The following PBX4 variants were observed in gnomAD, a reference collection of about 807,000 sequenced individuals.
The protein encoded by PBX4 is pre-B-cell leukemia transcription factor 4.
In PBX4, 26 loss-of-function variants were observed where a neutral mutation model predicts 35.1. The ratio of observed to expected loss-of-function variants is 0.74; its 90% CI spans 0.54 to 1.03. The LOEUF (loss-of-function observed/expected upper bound fraction) is 1.03. Among genes scored for constraint, PBX4 ranks in the 50% least tolerant of loss-of-function variants. The pLI, the probability that PBX4 is intolerant of heterozygous loss-of-function variation, is 0.00. For missense variants in PBX4, 448 were observed against 504.3 expected (o/e 0.89, Z 1.07); for synonymous variants, 199 against 204.2 (o/e 0.97, Z 0.22).
chr19:19,595,434 C>G (rs1027915579), intron 2 of PBX4, among the ~76,000 whole-genome samples: 4 of 152,162 alleles, frequency 2.6e-5, no homozygotes, highest in African/African-American at 9.7e-5. Flanking sequence ...TCAGGGAGTG[C>G]TGCCAGGGAG....
At position 19,563,428 on chromosome 19, in the gene PBX4, G is replaced by T; in HGVS notation, c.1032+81C>A. On this transcript the variant is annotated intron_variant, in intron 7 of 7. Transcript: ENST00000251203. This position sits in a 1 kb window ranked among gnomAD's most constrained non-coding sequence, Gnocchi z 5.1. ...GGACCTCTGGGGAAGCTGCCCCAAG[G>T]CCGAGGGGTGGCTGACAAGACGACC... 8.4e-7 allele frequency: 1 copy of T among 1,186,118 alleles called. No homozygotes were observed. Among genetic ancestry groups the T allele is most frequent in the Non-Finnish European group, 1.2e-6 (1 of 850,252 alleles). 73.5% of individuals were successfully genotyped at this position (1,186,118 alleles called of 1,614,324 possible).
intron 2 of PBX4, among the ~76,000 whole-genome samples, chr19:19,576,463 A>G (rs2061420076): frequency 6.6e-6 from 1 of 151,990 alleles, no homozygotes; most frequent in Non-Finnish European, 1.5e-5. Flanking sequence ...TGACCTCGTG[A>G]TCCACGCACC....
chr19:19,579,072 C>T (rs1260554075), intron 2 of PBX4, among the ~76,000 whole-genome samples: 2 of 152,110 alleles, frequency 1.3e-5, no homozygotes, highest in Admixed American at 6.6e-5. Flanking sequence ...CAGTCTGGGC[C>T]GGGCGTGGTG....
chr19:19,610,508 G>A (rs1297207257), intron 1 of PBX4, among the ~76,000 whole-genome samples: 1 of 152,022 alleles, frequency 6.6e-6, no homozygotes, highest in African/African-American at 2.4e-5. Context: ...TCAGCACTTT[G>A]GGGAATCCGA....
At chr19:19,569,418 C>T (rs752909735) in intron 5 of PBX4, 31 bp downstream of exon 5, 6 of 1,596,566 alleles carry the variant, frequency 3.8e-6, no homozygotes, top group South Asian at 3.4e-5. Flanking sequence ...TCCTCCCAGG[C>T]GTGGCGAGAC....
At chr19:19,578,523 C>T (rs1600410748) in intron 2 of PBX4, among the ~76,000 whole-genome samples, 1 of 152,174 alleles carries the variant, frequency 6.6e-6, no homozygotes, top group Admixed American at 6.5e-5. Flanking sequence ...GGCAGGGAGG[C>T]TGGAGGTACC....
At chr19:19,609,731 T>A (rs934480661) in intron 1 of PBX4, among the ~76,000 whole-genome samples, 21 of 135,578 alleles carry the variant, frequency 1.5e-4, no homozygotes, top group East Asian at 9.2e-4. Context: ...GGTGCCTGTA[T>A]TCCCAGCTAC....
At chr19:19,607,135 C>T (rs1048023576) in intron 1 of PBX4, among the ~76,000 whole-genome samples, 1 of 152,098 alleles carries the variant, frequency 6.6e-6, no homozygotes, top group African/African-American at 2.4e-5. Context: ...CTCACTGCAA[C>T]CTCTGTCTCC....
At position 19,570,771 on chromosome 19, in the gene PBX4, T is replaced by C. The variant is rs1222703145; in HGVS notation, c.256A>G (p.Asn86Asp). 3.1e-6 allele frequency: 5 copies of C among 1,614,154 alleles called. No individual in the cohort carries two copies. Among genetic ancestry groups the C allele is most frequent in the Non-Finnish European group, 4.2e-6 (5 of 1,180,038 alleles). ...CACACGCCCTCAGCCAGCAGCATGTTATCCAGCCTCAGGAGCTGGGCGTCA... is the reference window on the plus strand; with the variant it reads ...CACACGCCCTCAGCCAGCAGCATGTCATCCAGCCTCAGGAGCTGGGCGTCA... ...PPDAQLLRLD[N>D]MLLAEGVCRP... is the part of the protein sequence containing the mutation. The change falls in exon 3 of 8, where the codon AAC becomes GAC. Residue 86 changes from asparagine (N) to aspartate (D), a missense_variant. Transcript: ENST00000251203.
intron 1 of PBX4, 70 bp from the exon 2 acceptor site, chr19:19,599,435 C>T: frequency 1.5e-6 from 2 of 1,365,586 alleles, no homozygotes; most frequent in Admixed American, 1.8e-5. Flanking sequence ...GAGTAAAGAT[C>T]TTCCATACTG....
Position 19,618,119 on chromosome 19 carries a change from C to G in PBX4, c.119+392G>C, listed in dbSNP as rs572598876. Among the ~76,000 whole-genome samples the G allele has an allele frequency of 3.9e-5, 6 of 152,222 alleles. No homozygotes were observed. The East Asian group carries it at 1.2e-3, about 29-fold the overall frequency. On this transcript the variant is annotated intron_variant, in intron 1 of 7. Coordinates refer to ENST00000251203, the MANE Select transcript of PBX4 (RefSeq NM_025245.3). ...GATGCTGCAGTGAGCCATGATCACG[C>G]CACTGCACTCCAGCCTGGGCGACAG...
chr19:19,574,129 G>C (rs530566127), intron 2 of PBX4, among the ~76,000 whole-genome samples: 2 of 152,200 alleles, frequency 1.3e-5, no homozygotes, highest in East Asian at 3.9e-4. Flanking sequence ...CACCCGCCTC[G>C]GCCTCCCAAA....
At chr19:19,605,527 G>A (rs567187336) in intron 1 of PBX4, among the ~76,000 whole-genome samples, 1 of 151,814 alleles carries the variant, frequency 6.6e-6, no homozygotes, top group South Asian at 2.1e-4. Context: ...TAGGGAGGCT[G>A]AGGTGGGAGG....
chr19:19,611,910 G>T (rs1472980354), intron 1 of PBX4, among the ~76,000 whole-genome samples: 1 of 151,900 alleles, frequency 6.6e-6, no homozygotes, highest in Non-Finnish European at 1.5e-5. Flanking sequence ...GCTGAGGCAG[G>T]AGGACAGCTT....
intron 1 of PBX4, among the ~76,000 whole-genome samples, chr19:19,609,067 C>T (rs1439063042): frequency 6.6e-6 from 1 of 152,210 alleles, no homozygotes; most frequent in Non-Finnish European, 1.5e-5. Context: ...ACTGTCTGAT[C>T]TCCCACGGCA....
At chr19:19,609,617 G>C (rs143064540) in intron 1 of PBX4, among the ~76,000 whole-genome samples, 1 of 151,074 alleles carries the variant, frequency 6.6e-6, no homozygotes, top group Non-Finnish European at 1.5e-5. Context: ...TTGGCAGGCC[G>C]AGGAGGGCAG....
chr19:19,590,538 C>T (rs2061521631), intron 2 of PBX4, among the ~76,000 whole-genome samples: 4 of 151,456 alleles, frequency 2.6e-5, no homozygotes, highest in Admixed American at 6.6e-5. Context: ...GCGTGATCTC[C>T]GCTCACTGCA....
chr19:19,600,839 GA>G (rs778441569), intron 1 of PBX4, among the ~76,000 whole-genome samples: 19 of 143,758 alleles, frequency 1.3e-4, no homozygotes, highest in East Asian at 6.1e-4. Context: ...AAAAAAGAAA[GA>G]AAAAAAAAGA....
At chr19:19,575,404 A>G (rs2061413740) in intron 2 of PBX4, among the ~76,000 whole-genome samples, 2 of 152,126 alleles carry the variant, frequency 1.3e-5, no homozygotes, top group Non-Finnish European at 2.9e-5. Flanking sequence ...TTGGACAGCC[A>G]GGTAAAGGCC....
Sources: gnomAD v4.1 joint callset for allele counts (sites outside exome capture counted in the v4.1 genomes callset) on GRCh38, gnomAD v4.1.1 for gene constraint, Gnocchi (gnomAD v3.1) non-coding constraint, MANE v1.5 for transcripts, NCBI Gene and HGNC (gene_info 2026-07-23, HGNC 2026-07-21) for gene names.